Variants in DNAH11 observed in about 807,000 individuals in gnomAD.
The protein encoded by DNAH11 is axonemal beta dynein heavy chain 11.
A neutral mutation model predicts 526.0 loss-of-function variants in DNAH11; 442 were observed. The ratio of observed to expected loss-of-function variants is 0.84; its 90% CI spans 0.78 to 0.91. DNAH11 has a LOEUF of 0.91. DNAH11 is among the 40% of genes least tolerant of loss of function. The pLI, the probability that DNAH11 is intolerant of heterozygous loss-of-function variation, is 0.00. For missense variants in DNAH11, 6,989 were observed against 5,448.7 expected (o/e 1.28, Z -8.90); for synonymous variants, 2,461 against 1,935.9 (o/e 1.27, Z -7.12).
chr7:21,617,853 T>C (rs1438285724), intron 23 of DNAH11, 76 bp downstream of exon 23: 1 of 1,416,056 alleles, frequency 7.1e-7, no homozygotes, highest in African/African-American at 1.4e-5. Flanking sequence ...TCATCTGAGA[T>C]GAAGTGTAAT....
chr7:21,711,320 C>G (rs911919412), intron 41 of DNAH11, among the ~76,000 whole-genome samples: 1 of 152,168 alleles, frequency 6.6e-6, no homozygotes, highest in Non-Finnish European at 1.5e-5. Flanking sequence ...AGACACTGTT[C>G]ATCATAAAAT....
rs2128481193 is a variant in DNAH11 at position 21,711,638 on chromosome 7, G to T, written c.6835-74G>T. 5.2e-6 allele frequency: 8 copies of T among 1,552,512 alleles called. No individual in the cohort carries two copies. The South Asian group carries it at 6.3e-5, about 12-fold the overall frequency. ...CACAGCCTGTGATACTTCTGGTAGG[G>T]GAAAGTACTTGTTGCTTCTGGATGT... is the stretch of plus-strand genomic sequence containing the variant. On this transcript the variant is annotated intron_variant, in intron 41 of 81. Coordinates refer to ENST00000409508, the MANE Select transcript of DNAH11 (RefSeq NM_001277115.2).
Position 21,636,028 on chromosome 7 carries a change from C to T in DNAH11, c.4658C>T (p.Ser1553Leu). 2.5e-6 allele frequency: 4 copies of T among 1,613,620 alleles called. No individual in the cohort carries two copies. The highest frequency in any genetic ancestry group is 3.4e-6 in the Non-Finnish European group (4 of 1,179,740). Residue 1553 changes from serine to leucine, a missense_variant, in exon 26 of 82, where the codon TCA (serine) becomes TTA (leucine). Coordinates refer to ENST00000409508, the MANE Select transcript of DNAH11 (RefSeq NM_001277115.2). The stretch of plus-strand genomic sequence containing the variant: ...CACCTGGAAAGCATTTTTGTCTGTT[C>T]AGAAGATATTCGAATCCAGCTTGTG... ...WSHLESIFVCSEDIRIQLVKD... is the reference protein window; with the variant it reads ...WSHLESIFVCLEDIRIQLVKD...
intron 65 of DNAH11, among the ~76,000 whole-genome samples, chr7:21,835,557 T>C (rs766755674): frequency 6.6e-5 from 10 of 152,112 alleles, no homozygotes; most frequent in Non-Finnish European, 1.0e-4. Context: ...TCGATAAAAT[T>C]CAAGATCCTT....
At chr7:21,714,766 C>G (rs1215729010) in intron 42 of DNAH11, among the ~76,000 whole-genome samples, 2 of 152,158 alleles carry the variant, frequency 1.3e-5, no homozygotes, top group African/African-American at 4.8e-5. Context: ...TTCTCTCTCT[C>G]TCTTTCTCTG....
intron 7 of DNAH11, among the ~76,000 whole-genome samples, chr7:21,570,914 A>G (rs1445001625): frequency 6.6e-6 from 1 of 151,830 alleles, no homozygotes; most frequent in Non-Finnish European, 1.5e-5. Context: ...TAAATTGATG[A>G]CACTGCCTTA....
At chr7:21,859,290 T>A (rs1430738585) in intron 68 of DNAH11, among the ~76,000 whole-genome samples, 2 of 152,124 alleles carry the variant, frequency 1.3e-5, no homozygotes, top group Admixed American at 6.6e-5. Flanking sequence ...AATTTTGTAT[T>A]TTTGGTAGAG....
intron 14 of DNAH11, among the ~76,000 whole-genome samples, chr7:21,594,063 T>TACACACACAC (rs59727118): frequency 0.018 from 2,412 of 137,562 alleles, 49 homozygotes; most frequent in East Asian, 0.06. Flanking sequence ...CATACACACA[T>TACACACACAC]ACACACACAC....
intron 64 of DNAH11, 56 bp from the exon 65 acceptor site, chr7:21,818,161 T>G: frequency 6.4e-7 from 1 of 1,554,596 alleles, no homozygotes; most frequent in East Asian, 2.3e-5. Flanking sequence ...TTAAAAAATT[T>G]TGAACATTTT....
intron 25 of DNAH11, among the ~76,000 whole-genome samples, chr7:21,625,586 T>G (rs1350105364): frequency 6.6e-6 from 1 of 152,160 alleles, no homozygotes; most frequent in African/African-American, 2.4e-5. Context: ...CCTGAAGGGT[T>G]AGCATTAAGT....
Position 21,821,833 on chromosome 7 carries a change from C to G in DNAH11, c.10691+3494C>G, listed in dbSNP as rs74914592. The stretch of plus-strand genomic sequence containing the variant: ...CTAACTGTATTTTTGTACCCACTCA[C>G]CAGCTTTTCCTTATCTTCCACCTCC... On this transcript the variant is annotated intron_variant, in intron 65 of 81. Coordinates refer to ENST00000409508, the MANE Select transcript of DNAH11 (RefSeq NM_001277115.2). Among the ~76,000 whole-genome samples the G allele has an allele frequency of 9.7e-3, 1,483 of 152,178 alleles. 22 individuals are homozygous for G. The highest frequency in any genetic ancestry group is 0.034 in the African/African-American group (1,401 of 41,522).
chr7:21,736,368 G>A (rs1217054177), intron 46 of DNAH11, among the ~76,000 whole-genome samples: 1 of 152,152 alleles, frequency 6.6e-6, no homozygotes, highest in African/African-American at 2.4e-5. Context: ...TAGGTAGGGT[G>A]AGCAAAAGAG....
At position 21,741,972 on chromosome 7, in the gene DNAH11, C is replaced by T; in HGVS notation, c.7960C>T (p.Leu2654=). ...ATTCAATTTTCCATCTTTGGATGCA[C>T]TAAACACCATCTATGGCCAAATCTT... is the stretch of plus-strand genomic sequence containing the variant. ...FAFNFPSLDA[L]NTIYGQIFSF... Residue 2654 remains leucine, a synonymous_variant, in exon 49 of 82, where the codon CTA becomes TTA. Coordinates refer to ENST00000409508, the MANE Select transcript of DNAH11 (RefSeq NM_001277115.2). The T allele has an allele frequency of 6.2e-7, 1 of 1,613,894 alleles. No homozygotes were observed. The highest frequency in any genetic ancestry group is 8.5e-7 in the Non-Finnish European group (1 of 1,179,838).
At chr7:21,825,959 CAAAA>C (rs56255077) in intron 65 of DNAH11, among the ~76,000 whole-genome samples, 2 of 68,286 alleles carry the variant, frequency 2.9e-5, no homozygotes, top group Non-Finnish European at 6.3e-5. Flanking sequence ...ACTCTGTCTC[CAAAA>C]AAAAAAAAAA....
In DNAH11 at chr7:21,588,573, G is replaced by GGGCC. The variant is rs1296940336; in HGVS notation, c.1911_1914dup (p.Gln639GlyfsTer27). ...CCATTTACCTCAGGAAATATGAAATGGGCCCAGCAGGTTCTCCAACGACTT... is the reference window on the plus strand; with the variant it reads ...CCATTTACCTCAGGAAATATGAAATGGGCCGGCCCAGCAGGTTCTCCAACGACTT... On this transcript the variant is annotated frameshift_variant, in exon 11 of 82. Transcript: ENST00000409508. LOFTEE classifies it high-confidence loss of function. The GGGCC allele has an allele frequency of 1.5e-5, 25 of 1,613,476 alleles. No homozygotes were observed. The highest frequency in any genetic ancestry group is 2.1e-5 in the Non-Finnish European group (25 of 1,179,428).
intron 18 of DNAH11, among the ~76,000 whole-genome samples, chr7:21,603,287 A>G (rs1311983109): frequency 2.0e-5 from 3 of 151,982 alleles, no homozygotes; most frequent in African/African-American, 7.3e-5. Flanking sequence ...CGTCCATACC[A>G]CCATTGGCTT....
chr7:21,757,298 G>A (rs1786681649), intron 54 of DNAH11, among the ~76,000 whole-genome samples: 1 of 152,154 alleles, frequency 6.6e-6, no homozygotes, highest in Admixed American at 6.5e-5. Flanking sequence ...TTTATGCAAT[G>A]GGAATGCCAT....
rs1441398824 is a variant in DNAH11, at chr7:21,717,879, C to G, written c.7088C>G (p.Thr2363Arg). 1 of 1,613,708 alleles carries G rather than the reference C, an allele frequency of 6.2e-7. No individual in the cohort carries two copies. The highest frequency in any genetic ancestry group is 2.2e-5 in the East Asian group (1 of 44,894). ...CCTGCATGCTTGGATAAACTGAGAA[C>G]AAGCTTTAAAACCATCACTTCAATT... ...YVPACLDKLR[T>R]SFKTITSIPE... Residue 2363 changes from threonine (T) to arginine (R), a missense_variant, in exon 43 of 82, where the codon ACA becomes AGA. Thr to Arg is a moderately conservative substitution (Grantham distance 71, BLOSUM62 -1). Coordinates refer to ENST00000409508, the MANE Select transcript of DNAH11 (RefSeq NM_001277115.2).
At chr7:21,615,053 G>A in intron 20 of DNAH11, 61 bp from the exon 21 acceptor site, 1 of 1,500,194 alleles carries the variant, frequency 6.7e-7, no homozygotes, top group African/African-American at 1.4e-5. Context: ...CAGAGCTACA[G>A]AACTGCATGT....
Sources: gnomAD v4.1 joint callset for allele counts (sites outside exome capture counted in the v4.1 genomes callset) on GRCh38, gnomAD v4.1.1 for gene constraint, MANE v1.5 for transcripts, NCBI Gene and HGNC (gene_info 2026-07-23, HGNC 2026-07-21) for gene names.